Variants in MIB1 observed in about 807,000 individuals in gnomAD.
MIB1 encodes E3 ubiquitin-protein ligase MIB1.
A neutral mutation model predicts 124.5 loss-of-function variants in MIB1; 278 were observed. The observed-to-expected ratio is 2.23, with a 90% CI of 2.02 to 2.47. The LOEUF is 2.47. Among genes scored for constraint, MIB1 ranks in the 30% most tolerant of loss-of-function variants. The probability of loss-of-function intolerance (pLI) is 0.00; values close to 1 mark genes in which losing one functional copy is unlikely to be tolerated. For missense variants in MIB1, 957 were observed against 1,254.4 expected (o/e 0.76, Z 3.58); for synonymous variants, 446 against 429.4 (o/e 1.04, Z -0.48).
chr18:21,764,772 T>C (rs529662949), intron 1 of MIB1, among the ~76,000 whole-genome samples: 1 of 152,226 alleles, frequency 6.6e-6, no homozygotes, highest in African/African-American at 2.4e-5. Flanking sequence ...CCCCACATTA[T>C]TTTATACGTA....
At chr18:21,762,219 C>T (rs551997670) in intron 1 of MIB1, among the ~76,000 whole-genome samples, 10 of 152,142 alleles carry the variant, frequency 6.6e-5, no homozygotes, top group Non-Finnish European at 1.5e-4. Context: ...AAGGCACTTA[C>T]AGAGTGTTTC....
chr18:21,744,097 GTTTTTTT>G, intron 1 of MIB1, among the ~76,000 whole-genome samples: 1 of 121,222 alleles, frequency 8.2e-6, no homozygotes, highest in East Asian at 2.4e-4. Context: ...ATTCTTCAGG[GTTTTTTT>G]TTTTTTTTTT....
chr18:21,813,091 A>C (rs899141056), intron 10 of MIB1, among the ~76,000 whole-genome samples: 2 of 151,692 alleles, frequency 1.3e-5, no homozygotes, highest in Non-Finnish European at 2.9e-5. Context: ...TTTGGTGTTT[A>C]TTTTTATGTA....
At chr18:21,739,808 AG>A (rs1199832508), upstream of MIB1, among the ~76,000 whole-genome samples, 1 of 151,984 alleles carries the variant, frequency 6.6e-6, no homozygotes, top group Non-Finnish European at 1.5e-5. Flanking sequence ...CCAGCTACTC[AG>A]AAGGCTGAGG....
intron 1 of MIB1, among the ~76,000 whole-genome samples, chr18:21,760,935 T>C (rs1292613977): frequency 1.3e-5 from 2 of 152,218 alleles, no homozygotes; most frequent in Admixed American, 1.3e-4. Flanking sequence ...ATCAGATTTA[T>C]TTTAGACCTT....
chr18:21,719,582 G>C (rs1228966728), intron 1 of MIB1, among the ~76,000 whole-genome samples: 1 of 151,780 alleles, frequency 6.6e-6, no homozygotes, highest in Non-Finnish European at 1.5e-5. Context: ...GAGTACCTGG[G>C]ACGATGGGTA....
Position 21,870,242 on chromosome 18 carries a change from C to T in MIB1, c.*5576C>T, listed in dbSNP as rs897767788. The T allele has an allele frequency of 6.6e-6, 1 of 152,314 alleles. No homozygotes were observed. Among genetic ancestry groups the T allele is most frequent in the Non-Finnish European group, 1.5e-5 (1 of 67,940 alleles). 9.4% of individuals were successfully genotyped at this position (152,314 alleles called of 1,614,324 possible). On this transcript the variant is annotated 3_prime_UTR_variant, in exon 21 of 21. Transcript: ENST00000261537. The stretch of plus-strand genomic sequence containing the variant: ...TATACATGAATTTTGATTTTTAAAG[C>T]ATTTAAAAACAAATCTCAATACATT...
chr18:21,741,286 G>A lies in MIB1; in HGVS notation c.-298G>A, dbSNP rs7243281. On this transcript the variant is annotated 5_prime_UTR_variant, in exon 1 of 21. Transcript: ENST00000261537. The surrounding 1 kb of genome is among the most constrained non-coding windows in gnomAD (Gnocchi z 5.4). ...AGCCTGGCCGGGGAGCCCGGAGGAA[G>A]CGGGAGAGTCCCCGCCCACGGCCCC... is the stretch of plus-strand genomic sequence containing the variant. 29,589 of 158,852 alleles carry A rather than the reference G, an allele frequency of 0.19. 3,366 individuals carry two copies. The highest frequency in any genetic ancestry group is 0.4 in the South Asian group (1,948 of 4,890). 9.8% of individuals were successfully genotyped at this position (158,852 alleles called of 1,614,324 possible). A position where few individuals can be genotyped will look rare whatever the true frequency, so the allele number is the denominator to read the frequency against.
chr18:21,755,152 A>G (rs1219016612), intron 1 of MIB1, among the ~76,000 whole-genome samples: 2 of 152,098 alleles, frequency 1.3e-5, no homozygotes, highest in African/African-American at 4.8e-5. Context: ...GTCTGGGAAC[A>G]TAGTTACAGC....
At chr18:21,825,945 T>G (rs2041921366) in intron 12 of MIB1, 1 of 321,672 alleles carries the variant, frequency 3.1e-6, no homozygotes, top group South Asian at 2.3e-5. Context: ...TTTCCTGCGC[T>G]TAATGGTTTA....
intron 12 of MIB1, among the ~76,000 whole-genome samples, 172 bp from the exon 13 acceptor site, chr18:21,838,193 T>TA (rs371002717): frequency 3.3e-5 from 5 of 150,172 alleles, no homozygotes; most frequent in South Asian, 2.1e-4. Context: ...CCTCATCTCT[T>TA]AAAAAAAAAA....
At chr18:21,849,868 C>G (rs966140854) in intron 17 of MIB1, among the ~76,000 whole-genome samples, 5 of 152,048 alleles carry the variant, frequency 3.3e-5, no homozygotes, top group South Asian at 2.1e-4. Flanking sequence ...GTCACACATT[C>G]TAGATTTGAT....
chr18:21,846,319 C>T (rs987345077), intron 15 of MIB1, among the ~76,000 whole-genome samples: 1 of 152,036 alleles, frequency 6.6e-6, no homozygotes, highest in African/African-American at 2.4e-5. Flanking sequence ...AGAGCACTTA[C>T]CTCGATAAGG....
At chr18:21,706,559 C>T (rs1271645550) in intron 1 of MIB1, among the ~76,000 whole-genome samples, 2 of 152,176 alleles carry the variant, frequency 1.3e-5, no homozygotes, top group African/African-American at 4.8e-5. Flanking sequence ...CCCGCGATCA[C>T]GGGCCAGCGG....
intron 1 of MIB1, among the ~76,000 whole-genome samples, chr18:21,710,586 C>CA (rs2040661235): frequency 6.6e-6 from 1 of 151,966 alleles, no homozygotes; most frequent in Non-Finnish European, 1.5e-5. Context: ...CTTATTTCTA[C>CA]AAAAAATTTA....
chr18:21,724,710 T>C (rs1205698657), intron 1 of MIB1, among the ~76,000 whole-genome samples: 1 of 19,898 alleles, frequency 5.0e-5, no homozygotes. Flanking sequence ...GTCTCCCCCA[T>C]CCAAAAAAAA....
At chr18:21,707,063 T>G (rs1598576026) in intron 1 of MIB1, among the ~76,000 whole-genome samples, 1 of 152,152 alleles carries the variant, frequency 6.6e-6, no homozygotes, top group Non-Finnish European at 1.5e-5. Context: ...TAGCTCAAGG[T>G]TTGTAAATGC....
rs1288425096 is a variant in MIB1, at chr18:21,870,231, G to A, written c.*5565G>A. Reference sequence around the variant, plus strand: ...TTTTATAGTAGTATACATGAATTTTGATTTTTAAAGCATTTAAAAACAAAT... The same window carrying A: ...TTTTATAGTAGTATACATGAATTTTAATTTTTAAAGCATTTAAAAACAAAT... On this transcript the variant is annotated 3_prime_UTR_variant, in exon 21 of 21. Transcript: ENST00000261537. The A allele has an allele frequency of 6.6e-6, 1 of 152,320 alleles. No individual in the cohort carries two copies. Among genetic ancestry groups the A allele is most frequent in the African/African-American group, 2.4e-5 (1 of 41,398 alleles). 9.4% of individuals were successfully genotyped at this position (152,320 alleles called of 1,614,324 possible).
intron 1 of MIB1, among the ~76,000 whole-genome samples, chr18:21,717,924 G>A (rs1313375788): frequency 1.3e-5 from 2 of 152,096 alleles, no homozygotes; most frequent in Non-Finnish European, 1.5e-5. Context: ...GTCATTATAC[G>A]AAAAAGATAC....
Sources: allele counts gnomAD v4.1 joint callset (sites outside exome capture counted in the v4.1 genomes callset), GRCh38; gene constraint gnomAD v4.1.1; non-coding constraint Gnocchi (gnomAD v3.1); transcripts MANE v1.5; gene names NCBI Gene and HGNC (gene_info 2026-07-23, HGNC 2026-07-21).